Variants in C17orf113 observed in about 807,000 individuals in gnomAD.
The protein encoded by C17orf113 is uncharacterized protein C17orf113.
C17orf113 carries 5 observed loss-of-function variants against 11.6 expected under a neutral mutation model. That is an observed-to-expected ratio of 0.43 (90% CI 0.23 to 0.91). C17orf113 has a LOEUF of 0.91. Ranked by LOEUF, C17orf113 falls within the 40% of genes least tolerant of loss-of-function variation. The pLI, the probability that C17orf113 is intolerant of heterozygous loss-of-function variation, is 0.26. For synonymous variants in C17orf113, 327 were observed against 390.6 expected (o/e 0.84, Z 1.92); for missense variants, 714 against 841.3 (o/e 0.85, Z 1.87).
At chr17:42,041,679 C>T (rs2053025401) in intron 2 of C17orf113, among the ~76,000 whole-genome samples, 1 of 152,158 alleles carries the variant, frequency 6.6e-6, no homozygotes, top group Non-Finnish European at 1.5e-5. Flanking sequence ...AACTGATAGG[C>T]ACACTCACTC....
At chr17:42,046,926 G>A (rs1313471756) in intron 1 of C17orf113, among the ~76,000 whole-genome samples, 15 of 149,778 alleles carry the variant, frequency 1.0e-4, no homozygotes, top group Non-Finnish European at 1.8e-4. Flanking sequence ...GCAGTGGTGC[G>A]ATCTCAGCTC....
chr17:42,048,479 A>G (rs1467587144), intron 1 of C17orf113, among the ~76,000 whole-genome samples: 2 of 151,860 alleles, frequency 1.3e-5, no homozygotes, highest in Non-Finnish European at 2.9e-5. Flanking sequence ...CGAGTTTGAG[A>G]CTGCAGTGAA....
rs1323430358 is a variant in C17orf113, at chr17:42,040,049, C to T, written c.1684G>A (p.Ala562Thr). ...CCGAATACTACGCGCTTAAACAGCG[C>T]GAAGTCGCCCAGCGCCCGCTGGCGC... ...VVRQRALGDF[A>T]LFKRVVFGLG... Residue 562 changes from alanine (A) to threonine (T), a missense_variant, in exon 3 of 3, where the codon GCG (alanine) becomes ACG (threonine). This residue lies in a region of C17orf113 where 194 missense variants were observed against 197.2 expected (regional missense o/e 0.98). Coordinates refer to ENST00000587304, the MANE Select transcript of C17orf113 (RefSeq NM_001358661.2). 5.7e-6 allele frequency: 7 copies of T among 1,231,148 alleles called. No individual in the cohort carries two copies. The highest frequency in any genetic ancestry group is 7.1e-6 in the Non-Finnish European group (7 of 987,534). The allele number at this position is 1,231,148 out of a possible 1,614,324, so 76.3% of individuals were successfully genotyped here.
At chr17:42,046,732 A>G (rs1555656650) in intron 1 of C17orf113, among the ~76,000 whole-genome samples, 1 of 152,190 alleles carries the variant, frequency 6.6e-6, no homozygotes, top group East Asian at 1.9e-4. Flanking sequence ...AAAGATAAAT[A>G]AATAACATTT....
Position 42,042,961 on chromosome 17 carries a change from G to A in C17orf113, c.416C>T (p.Ala139Val), listed in dbSNP as rs940870491. The A allele has an allele frequency of 1.6e-6, 2 of 1,232,510 alleles. No homozygotes were observed. Among genetic ancestry groups the A allele is most frequent in the Admixed American group, 8.4e-5 (2 of 23,724 alleles). The allele number at this position is 1,232,510 out of a possible 1,614,324, so 76.3% of individuals were successfully genotyped here. A position where few individuals can be genotyped will look rare whatever the true frequency, so the allele number is the denominator to read the frequency against. ...VAVLTTVYCM[A>V]KEDVPNDRCS... ...GCGGTCATTGGGCACATCCTCCTTT[G>A]CCATGCAGTACACAGTAGTCAGCAC... The change falls in exon 2 of 3, where the codon GCA (alanine) becomes GTA (valine). Residue 139 changes from alanine (A) to valine (V), a missense_variant. Transcript: ENST00000587304.
chr17:42,040,676 G>T lies in C17orf113; in HGVS notation c.1057C>A (p.Pro353Thr). 1 of 1,232,272 alleles carries T rather than the reference G, an allele frequency of 8.1e-7. No homozygotes were observed. Among genetic ancestry groups the T allele is most frequent in the Non-Finnish European group, 1.0e-6 (1 of 988,054 alleles). The allele number at this position is 1,232,272 out of a possible 1,614,324, so 76.3% of individuals were successfully genotyped here. ...ACTACAGGCAGCAGGGAGGCCCAGG[G>T]CACTGGCCGAGGCCCTGCCAAGTCA... ...AIDLAGPRPV[P>T]WASLLPVVEA... is the part of the protein sequence containing the mutation. The change falls in exon 3 of 3, where the codon CCC becomes ACC. Residue 353 changes from proline to threonine, a missense_variant. Pro to Thr is a conservative substitution (Grantham distance 38). Coordinates refer to ENST00000587304, the MANE Select transcript of C17orf113 (RefSeq NM_001358661.2).
chr17:42,042,750 G>T (rs1203670241), intron 2 of C17orf113, 84 bp downstream of exon 2: 3 of 1,040,162 alleles, frequency 2.9e-6, no homozygotes, highest in South Asian at 5.0e-5. Context: ...GCTCCCCAAG[G>T]AGCTGGCATG....
rs955388431 is a variant in C17orf113, at chr17:42,039,830, G to A, written c.1903C>T (p.Arg635Trp). Residue 635 changes from arginine (R) to tryptophan (W), a missense_variant, in exon 3 of 3, where the codon CGG (arginine) becomes TGG (tryptophan). This residue lies in a region of C17orf113 where 194 missense variants were observed against 197.2 expected (regional missense o/e 0.98). Coordinates refer to ENST00000587304, the MANE Select transcript of C17orf113 (RefSeq NM_001358661.2). ...WWGQSGAGEG[R>W]GGHMVKIAVD... ...GCGATCTTCACCATGTGGCCCCCCC[G>A]GCCTTCCCCGGCCCCACTCTGCCCC... 18 of 1,231,894 alleles carry A rather than the reference G, an allele frequency of 1.5e-5. No homozygotes were observed. The highest frequency in any genetic ancestry group is 1.6e-5 in the Non-Finnish European group (16 of 988,018). 76.3% of individuals were successfully genotyped at this position (1,231,894 alleles called of 1,614,324 possible).
chr17:42,045,283 C>T (rs1252624833), intron 1 of C17orf113, among the ~76,000 whole-genome samples: 1 of 152,144 alleles, frequency 6.6e-6, no homozygotes, highest in Non-Finnish European at 1.5e-5. Context: ...GATCTCCTGA[C>T]CTTGTGATCC....
At chr17:42,048,417 T>C (rs1274479362) in intron 1 of C17orf113, among the ~76,000 whole-genome samples, 1 of 150,846 alleles carries the variant, frequency 6.6e-6, no homozygotes, top group African/African-American at 2.4e-5. Context: ...TGGTGGCATA[T>C]GCCTATAGTC....
In C17orf113 at chr17:42,043,397, AC is replaced by A. The variant is rs1225126395; in HGVS notation, c.-22del. On this transcript the variant is annotated 5_prime_UTR_variant, in exon 2 of 3. The change creates a premature stop within an existing upstream ORF in the 5' untranslated region. Coordinates refer to ENST00000587304, the MANE Select transcript of C17orf113 (RefSeq NM_001358661.2). ...ACCATTCTTGCTCTCTCAGCAAGGAACCCCCAACCCCCACCTGAATGCTCTT... is the reference window on the plus strand; with the variant it reads ...ACCATTCTTGCTCTCTCAGCAAGGAACCCCAACCCCCACCTGAATGCTCTT... 1.4e-5 allele frequency: 17 copies of A among 1,231,482 alleles called. No individual in the cohort carries two copies. Among genetic ancestry groups the A allele is most frequent in the Non-Finnish European group, 1.7e-5 (17 of 987,790 alleles). The allele number at this position is 1,231,482 out of a possible 1,614,324, so 76.3% of individuals were successfully genotyped here. A position where few individuals can be genotyped will look rare whatever the true frequency, so the allele number is the denominator to read the frequency against.
At chr17:42,042,719 T>G (rs1022126470) in intron 2 of C17orf113, 115 bp downstream of exon 2, 4 of 746,334 alleles carry the variant, frequency 5.4e-6, no homozygotes, top group Non-Finnish European at 7.3e-6. Context: ...AGGGTGAAGA[T>G]ATGAATGAAA....
Position 42,040,055 on chromosome 17 carries a change from C to T in C17orf113, c.1678G>A (p.Asp560Asn), listed in dbSNP as rs951461234. 8.9e-6 allele frequency: 11 copies of T among 1,231,008 alleles called. No homozygotes were observed. The highest frequency in any genetic ancestry group is 3.1e-5 in the African/African-American group (2 of 64,400). 76.3% of individuals were successfully genotyped at this position (1,231,008 alleles called of 1,614,324 possible). A position where few individuals can be genotyped will look rare whatever the true frequency, so the allele number is the denominator to read the frequency against. The change falls in exon 3 of 3, where the codon GAC becomes AAC. Residue 560 changes from aspartate to asparagine, a missense_variant. By Grantham distance (23) the Asp-to-Asn change is conservative. Coordinates refer to ENST00000587304, the MANE Select transcript of C17orf113 (RefSeq NM_001358661.2). Reference sequence around the variant, plus strand: ...ACTACGCGCTTAAACAGCGCGAAGTCGCCCAGCGCCCGCTGGCGCACCACG... The same window carrying T: ...ACTACGCGCTTAAACAGCGCGAAGTTGCCCAGCGCCCGCTGGCGCACCACG... ...PAVVRQRALG[D>N]FALFKRVVFG... is the part of the protein sequence containing the mutation.
Position 42,040,690 on chromosome 17 carries a change from C to T in C17orf113, c.1043G>A (p.Gly348Glu). ...GGAGGCCCAGGGCACTGGCCGAGGCCCTGCCAAGTCAATAGCTGCAAGGTC... is the reference window on the plus strand; with the variant it reads ...GGAGGCCCAGGGCACTGGCCGAGGCTCTGCCAAGTCAATAGCTGCAAGGTC... ...ALDLAAIDLA[G>E]PRPVPWASLL... The change falls in exon 3 of 3, where the codon GGG becomes GAG. Residue 348 changes from glycine to glutamate, a missense_variant. Around this residue, in one of 3 missense-constraint regions of C17orf113, gnomAD observed 516 missense variants for 626.6 expected, o/e 0.82. Transcript: ENST00000587304. The T allele has an allele frequency of 1.6e-6, 2 of 1,232,280 alleles. No homozygotes were observed. Among genetic ancestry groups the T allele is most frequent in the East Asian group, 6.3e-5 (2 of 31,710 alleles). The allele number at this position is 1,232,280 out of a possible 1,614,324, so 76.3% of individuals were successfully genotyped here.
Position 42,040,381 on chromosome 17 carries a change from T to G in C17orf113, c.1352A>C (p.Gln451Pro), listed in dbSNP as rs1555656006. Residue 451 changes from glutamine to proline, a missense_variant, in exon 3 of 3, where the codon CAG becomes CCG. Gln to Pro is a moderately conservative substitution (Grantham distance 76). This residue lies in a region of C17orf113 where 516 missense variants were observed against 626.6 expected (regional missense o/e 0.82). Transcript: ENST00000587304. ...AQRGSGGARLQGFLQELASMD... is the reference protein window; with the variant it reads ...AQRGSGGARLPGFLQELASMD... Reference sequence around the variant, plus strand: ...GGATGCCAGTTCCTGCAGGAAGCCCTGGAGGCGGGCCCCACCTGAGCCGCG... The same window carrying G: ...GGATGCCAGTTCCTGCAGGAAGCCCGGGAGGCGGGCCCCACCTGAGCCGCG... The G allele has an allele frequency of 8.1e-7, 1 of 1,231,788 alleles. No individual in the cohort carries two copies. Among genetic ancestry groups the G allele is most frequent in the Non-Finnish European group, 1.0e-6 (1 of 987,930 alleles). The allele number at this position is 1,231,788 out of a possible 1,614,324, so 76.3% of individuals were successfully genotyped here.
At chr17:42,049,047 C>G (rs2053230766) in intron 1 of C17orf113, among the ~76,000 whole-genome samples, 1 of 152,286 alleles carries the variant, frequency 6.6e-6, no homozygotes, top group South Asian at 2.1e-4. Context: ...CCCAGGGCTA[C>G]TGACCTCTCT....
Position 42,050,125 on chromosome 17 carries a change from TCTC to T in C17orf113, c.-188+429_-188+431del, listed in dbSNP as rs2053250177. On this transcript the variant is annotated intron_variant, in intron 1 of 2. Coordinates refer to ENST00000587304, the MANE Select transcript of C17orf113 (RefSeq NM_001358661.2). This position sits in a 1 kb window ranked among gnomAD's most constrained non-coding sequence, Gnocchi z 5.6. ...AGGGCACACTTGCTGCAGACACAGG[TCTC>T]CTCTCATTTCTCTCCACACCCTGAC... Among the ~76,000 whole-genome samples, 1 of 152,018 alleles carries T rather than the reference TCTC, an allele frequency of 6.6e-6. No homozygotes were observed. Among genetic ancestry groups the T allele is most frequent in the African/African-American group, 2.4e-5 (1 of 41,406 alleles).
rs571038586 is a variant in C17orf113 at position 42,039,770 on chromosome 17, C to T, written c.1963G>A (p.Gly655Arg). 5.7e-6 allele frequency: 7 copies of T among 1,232,302 alleles called. No individual in the cohort carries two copies. Among genetic ancestry groups the T allele is most frequent in the Non-Finnish European group, 7.1e-6 (7 of 988,152 alleles). 76.3% of individuals were successfully genotyped at this position (1,232,302 alleles called of 1,614,324 possible). A position where few individuals can be genotyped will look rare whatever the true frequency, so the allele number is the denominator to read the frequency against. ...DGPPLHEFDF[G>R]LAVEFLESGW... ...CTCTCTAAGAACTCCACAGCCAACC[C>T]GAAGTCAAACTCGTGCAGCGGGGGC... Residue 655 changes from glycine (G) to arginine (R), a missense_variant, in exon 3 of 3, where the codon GGG (glycine) becomes AGG (arginine). Transcript: ENST00000587304.
rs1047522938 is a variant in C17orf113 at position 42,047,095 on chromosome 17, G to C, written c.-188+3462C>G. On this transcript the variant is annotated intron_variant, in intron 1 of 2. Transcript: ENST00000587304. ...CACCCAGGCTGGAGCGCAGTGGCGC[G>C]ATCTCGGCTCACTGCAAACCCCACC... Among the ~76,000 whole-genome samples, 4 of 147,578 alleles carry C rather than the reference G, an allele frequency of 2.7e-5. No homozygotes were observed. The Admixed American group carries it at 2.8e-4, about 10-fold the overall frequency.
Sources: gnomAD v4.1 joint callset for allele counts (sites outside exome capture counted in the v4.1 genomes callset) on GRCh38, gnomAD v4.1.1 for gene constraint, gnomAD v4.1.1 regional missense constraint, Gnocchi (gnomAD v3.1) non-coding constraint, MANE v1.5 for transcripts, NCBI Gene and HGNC (gene_info 2026-07-23, HGNC 2026-07-21) for gene names.